Variants in PLA2G4A observed in about 807,000 individuals in gnomAD.
PLA2G4A encodes phospholipase A2 group IVA, also known as cytosolic phospholipase A2.
PLA2G4A carries 40 observed loss-of-function variants against 81.9 expected under a neutral mutation model. That is an observed-to-expected ratio of 0.49 (90% confidence interval 0.38 to 0.64). The LOEUF (loss-of-function observed/expected upper bound fraction) is 0.64, where lower values mean the gene tolerates loss of function less well. Among genes scored for constraint, PLA2G4A ranks in the 30% least tolerant of loss-of-function variants. PLA2G4A has a pLI of 0.00. For missense variants in PLA2G4A, 715 were observed against 905.1 expected (o/e 0.79, Z 2.69); for synonymous variants, 302 against 296.9 (o/e 1.02, Z -0.18).
At chr1:186,832,833 A>T (rs759208159) in intron 1 of PLA2G4A, among the ~76,000 whole-genome samples, 1 of 152,214 alleles carries the variant, frequency 6.6e-6, no homozygotes, top group South Asian at 2.1e-4. Context: ...AACAATATAG[A>T]TGAAATTTTG....
intron 7 of PLA2G4A, among the ~76,000 whole-genome samples, chr1:186,921,981 C>T (rs529603870): frequency 6.6e-6 from 1 of 152,146 alleles, no homozygotes; most frequent in Non-Finnish European, 1.5e-5. Context: ...TGATGGCCAA[C>T]CCACCTCTAA....
chr1:186,951,314 G>A (rs1193083491), intron 13 of PLA2G4A, among the ~76,000 whole-genome samples: 1 of 151,990 alleles, frequency 6.6e-6, no homozygotes, highest in African/African-American at 2.4e-5. Context: ...AGTCAGTGAT[G>A]GACTTGGGGC....
At chr1:186,894,253 TAAA>T (rs772888965) in intron 5 of PLA2G4A, 42 bp downstream of exon 5, 4 of 801,324 alleles carry the variant, frequency 5.0e-6, no homozygotes, top group Non-Finnish European at 9.1e-6. Context: ...TTATGTTAGA[TAAA>T]GTCTATTGAT....
intron 8 of PLA2G4A, among the ~76,000 whole-genome samples, chr1:186,934,320 T>A (rs889171026): frequency 3.3e-5 from 5 of 151,840 alleles, no homozygotes; most frequent in Non-Finnish European, 7.4e-5. Flanking sequence ...TAATTGTGTA[T>A]GTGTGTGCTT....
chr1:186,905,705 C>CAG (rs1335235711), intron 5 of PLA2G4A, among the ~76,000 whole-genome samples: 1 of 151,792 alleles, frequency 6.6e-6, no homozygotes, highest in Non-Finnish European at 1.5e-5. Context: ...TCCTCACACA[C>CAG]ACACACACAC....
intron 1 of PLA2G4A, among the ~76,000 whole-genome samples, chr1:186,842,043 CTTT>C (rs34496849): frequency 2.9e-4 from 34 of 116,238 alleles, no homozygotes; most frequent in Admixed American, 4.5e-4. Context: ...CATATCATAT[CTTT>C]TTTTTTTTTT....
Position 186,916,387 on chromosome 1 carries a change from G to A in PLA2G4A, c.558+4998G>A, listed in dbSNP as rs546948092. On this transcript the variant is annotated intron_variant, in intron 7 of 17. Coordinates refer to ENST00000367466, the MANE Select transcript of PLA2G4A (RefSeq NM_024420.3). ...ATTTTTTTATCCAAGTGGCCCAAATGACACAAGACCAGTATCCACATTCAT... is the reference window on the plus strand; with the variant it reads ...ATTTTTTTATCCAAGTGGCCCAAATAACACAAGACCAGTATCCACATTCAT... 3.3e-5 allele frequency among the ~76,000 whole-genome samples: 5 copies of A among 151,850 alleles called. No individual in the cohort carries two copies. The East Asian group carries it at 9.7e-4, about 29-fold the overall frequency.
intron 5 of PLA2G4A, among the ~76,000 whole-genome samples, chr1:186,904,896 C>G (rs892463083): frequency 1.3e-5 from 2 of 152,016 alleles, no homozygotes; most frequent in Non-Finnish European, 2.9e-5. Flanking sequence ...CTCTTGTTGC[C>G]TAGGCTGGAG....
intron 7 of PLA2G4A, among the ~76,000 whole-genome samples, chr1:186,912,445 C>G (rs1036696914): frequency 1.3e-5 from 2 of 151,976 alleles, no homozygotes. Context: ...CCTAGAAATC[C>G]TCTGTGCTCC....
intron 3 of PLA2G4A, among the ~76,000 whole-genome samples, chr1:186,890,837 G>A (rs548296208): frequency 3.5e-5 from 5 of 140,914 alleles, no homozygotes; most frequent in African/African-American, 1.1e-4. Context: ...TGGCAACAGA[G>A]CAAGACTCTG....
chr1:186,837,753 G>A (rs10911928), intron 1 of PLA2G4A, among the ~76,000 whole-genome samples: 47,164 of 115,514 alleles, frequency 0.41, 12,211 homozygotes, highest in African/African-American at 0.64. Context: ...AAAAAAAAAA[G>A]AAAAAGAAAA....
intron 1 of PLA2G4A, among the ~76,000 whole-genome samples, chr1:186,834,817 A>G (rs1651721431): frequency 6.6e-6 from 1 of 152,208 alleles, no homozygotes; most frequent in South Asian, 2.1e-4. Context: ...TTTTCTAAGT[A>G]TAACCTACAG....
intron 2 of PLA2G4A, among the ~76,000 whole-genome samples, chr1:186,858,858 T>C (rs1440165698): frequency 2.6e-5 from 4 of 152,094 alleles, no homozygotes; most frequent in Non-Finnish European, 1.5e-5. Flanking sequence ...TTTACAGTTT[T>C]CTTTATTCTT....
intron 5 of PLA2G4A, among the ~76,000 whole-genome samples, chr1:186,902,334 C>T (rs1414516998): frequency 6.6e-6 from 1 of 152,012 alleles, no homozygotes; most frequent in Non-Finnish European, 1.5e-5. Context: ...CACATCCAGG[C>T]CATCATCAAT....
At chr1:186,976,665 T>G (rs757072464) in intron 15 of PLA2G4A, among the ~76,000 whole-genome samples, 1 of 152,188 alleles carries the variant, frequency 6.6e-6, no homozygotes, top group African/African-American at 2.4e-5. Flanking sequence ...ATTCTGCTTC[T>G]TATTTATTCT....
intron 15 of PLA2G4A, among the ~76,000 whole-genome samples, chr1:186,966,595 G>T (rs1657139615): frequency 6.6e-6 from 1 of 152,154 alleles, no homozygotes; most frequent in South Asian, 2.1e-4. Flanking sequence ...AAGTCCGCCT[G>T]TGTTGAAGAA....
At chr1:186,837,753 G>GAAAAAAA (rs1267826917) in intron 1 of PLA2G4A, among the ~76,000 whole-genome samples, 2 of 118,168 alleles carry the variant, frequency 1.7e-5, no homozygotes, top group East Asian at 2.7e-4. Flanking sequence ...AAAAAAAAAA[G>GAAAAAAA]AAAAAGAAAA....
intron 7 of PLA2G4A, among the ~76,000 whole-genome samples, chr1:186,915,283 A>G (rs1655098356): frequency 6.6e-6 from 1 of 152,082 alleles, no homozygotes; most frequent in South Asian, 2.1e-4. Context: ...GGGCCAATCT[A>G]TTTTGACAGA....
chr1:186,845,926 A>G (rs138515382), intron 1 of PLA2G4A, among the ~76,000 whole-genome samples: 306 of 152,330 alleles, frequency 2.0e-3, no homozygotes, highest in African/African-American at 7.0e-3. Flanking sequence ...GGAAAGGAAA[A>G]AAAGAAAGGA....
Sources: gnomAD v4.1 joint callset for allele counts (sites outside exome capture counted in the v4.1 genomes callset) on GRCh38, gnomAD v4.1.1 for gene constraint, MANE v1.5 for transcripts, NCBI Gene and HGNC (gene_info 2026-07-23, HGNC 2026-07-21) for gene names.